TGIF1: variants seen among roughly 807,000 people sequenced by gnomAD.
The protein encoded by TGIF1 is homeobox protein TGIF1.
A neutral mutation model predicts 19.3 loss-of-function variants in TGIF1; 4 were observed. That is an observed-to-expected ratio of 0.21 (90% CI 0.10 to 0.47). The LOEUF is 0.47. Ranked by LOEUF, TGIF1 falls within the 20% of genes least tolerant of loss-of-function variation. TGIF1 has a pLI of 0.98. For missense variants in TGIF1, 275 were observed against 341.4 expected, an observed-to-expected ratio of 0.81 and a Z score of 1.53; for synonymous variants, 122 against 129.3, an observed-to-expected ratio of 0.94 and a Z score of 0.38.
intron 2 of TGIF1, among the ~76,000 whole-genome samples, chr18:3,429,350 G>A (rs1178848206): frequency 6.6e-6 from 1 of 152,054 alleles, no homozygotes; most frequent in Non-Finnish European, 1.5e-5. Flanking sequence ...TGCTCAGCCT[G>A]TGGAACACCA....
intron 2 of TGIF1, among the ~76,000 whole-genome samples, chr18:3,427,604 T>TG (rs1463525984): frequency 4.8e-4 from 69 of 143,496 alleles, no homozygotes; most frequent in African/African-American, 1.7e-3. Flanking sequence ...AATATATTCT[T>TG]TTTTTTTTTT....
chr18:3,423,528 A>C (rs1006894865), intron 2 of TGIF1, among the ~76,000 whole-genome samples: 9 of 151,938 alleles, frequency 5.9e-5, no homozygotes, highest in African/African-American at 1.7e-4. Flanking sequence ...AAAAATACAA[A>C]AAATTAGCCG....
upstream of TGIF1, among the ~76,000 whole-genome samples, chr18:3,446,135 G>A (rs1259523947): frequency 6.6e-6 from 1 of 152,184 alleles, no homozygotes; most frequent in Non-Finnish European, 1.5e-5. Flanking sequence ...AGACACAGAT[G>A]TTGAGAATAA....
chr18:3,414,262 T>C (rs1186503069), intron 1 of TGIF1, among the ~76,000 whole-genome samples: 1 of 152,220 alleles, frequency 6.6e-6, no homozygotes, highest in Non-Finnish European at 1.5e-5. Context: ...TATGAGTATA[T>C]GATGCTGCAG....
At chr18:3,423,960 A>G (rs975462487) in intron 2 of TGIF1, among the ~76,000 whole-genome samples, 1 of 152,162 alleles carries the variant, frequency 6.6e-6, no homozygotes, top group African/African-American at 2.4e-5. Context: ...ATCTTAAACT[A>G]AAGAGGGCAG....
rs1208350262 is a variant in TGIF1 at position 3,458,187 on chromosome 18, G to A, written c.*247G>A. 3 of 478,932 alleles carry A rather than the reference G, an allele frequency of 6.3e-6. No homozygotes were observed. The highest frequency in any genetic ancestry group is 1.1e-5 in the Non-Finnish European group (3 of 273,236). The allele number at this position is 478,932 out of a possible 1,614,324, so 29.7% of individuals were successfully genotyped here. A position where few individuals can be genotyped will look rare whatever the true frequency, so the allele number is the denominator to read the frequency against. On this transcript the variant is annotated 3_prime_UTR_variant, in exon 3 of 3. Transcript: ENST00000343820. Reference sequence around the variant, plus strand: ...GGTAGATTATTCATAATGTGAGATGGTTCCCAATATCATGTGATTTTTTTT... The same window carrying A: ...GGTAGATTATTCATAATGTGAGATGATTCCCAATATCATGTGATTTTTTTT...
Position 3,458,373 on chromosome 18 carries a change from C to CT in TGIF1, c.*441dup, listed in dbSNP as rs397858239. 1.1e-3 allele frequency: 185 copies of CT among 165,422 alleles called. 1 individual carries two copies. Among genetic ancestry groups the CT allele is most frequent in the African/African-American group, 4.2e-3 (172 of 41,410 alleles). 10.2% of individuals were successfully genotyped at this position (165,422 alleles called of 1,614,324 possible). A position where few individuals can be genotyped will look rare whatever the true frequency, so the allele number is the denominator to read the frequency against. On this transcript the variant is annotated 3_prime_UTR_variant, in exon 3 of 3. Transcript: ENST00000343820. ...AAGTATGAATCTAGTTGGTTGATGC[C>CT]TTTTTTTTCATGACATAATAAAGTA... is the stretch of plus-strand genomic sequence containing the variant.
intron 2 of TGIF1, among the ~76,000 whole-genome samples, chr18:3,432,254 T>G (rs931440852): frequency 6.6e-6 from 1 of 152,122 alleles, no homozygotes; most frequent in Non-Finnish European, 1.5e-5. Context: ...GTGAGGGATG[T>G]GCTATAAACT....
rs764823344 is a variant in TGIF1, at chr18:3,457,455, C to T, written c.334C>T (p.Arg112Cys). ...GKDPNQFTIS[R>C]RGAKISETSS... ...AGATCCAAATCAGTTCACAATTTCC[C>T]GCCGTGGGGCCAAGATTTCTGAAAC... The change falls in exon 3 of 3, where the codon CGC becomes TGC. Residue 112 changes from arginine (R) to cysteine (C), a missense_variant. By Grantham distance (180) the Arg-to-Cys change is radical (BLOSUM62 -3). Coordinates refer to ENST00000343820, the MANE Select transcript of TGIF1 (RefSeq NM_003244.4). This position sits in a 1 kb window ranked among gnomAD's most constrained non-coding sequence, Gnocchi z 4.9. The T allele has an allele frequency of 3.7e-6, 6 of 1,614,120 alleles. No homozygotes were observed. Among genetic ancestry groups the T allele is most frequent in the African/African-American group, 1.3e-5 (1 of 74,936 alleles).
chr18:3,435,941 G>C (rs2082609015), intron 2 of TGIF1, among the ~76,000 whole-genome samples: 1 of 148,434 alleles, frequency 6.7e-6, no homozygotes, highest in South Asian at 2.2e-4. Flanking sequence ...GTTCATAACA[G>C]TCTCGAACTC....
chr18:3,422,673 C>CTTTTTTGTTTTTTTGTTTTTT (rs1481496826), intron 2 of TGIF1, among the ~76,000 whole-genome samples: 1 of 24,672 alleles, frequency 4.1e-5, no homozygotes, highest in Non-Finnish European at 1.6e-4. Context: ...TATAGGTGGC[C>CTTTTTTGTTTTTTTGTTTTTT]TTTTTTTTTT....
In TGIF1 at chr18:3,459,182, T is replaced by TA. The variant is rs1472263911; in HGVS notation, c.*1243dup. 3 of 152,248 alleles carry TA rather than the reference T, an allele frequency of 2.0e-5. No individual in the cohort carries two copies. Among genetic ancestry groups the TA allele is most frequent in the South Asian group, 2.1e-4 (1 of 4,834 alleles). 9.4% of individuals were successfully genotyped at this position (152,248 alleles called of 1,614,324 possible). A position where few individuals can be genotyped will look rare whatever the true frequency, so the allele number is the denominator to read the frequency against. ...GCTTAGTATGAGCTTGCTTTGTTGT[T>TA]ACGGTCATGTTCTTTCCAGCCCTGC... On this transcript the variant is annotated 3_prime_UTR_variant, in exon 3 of 3. Coordinates refer to ENST00000343820, the MANE Select transcript of TGIF1 (RefSeq NM_003244.4).
upstream of TGIF1, chr18:3,447,737 G>A: frequency 6.2e-7 from 1 of 1,614,186 alleles, no homozygotes; most frequent in Middle Eastern, 1.7e-4. Flanking sequence ...CAACCGTTTG[G>A]ATATGACTTG....
chr18:3,451,608 C>A lies in TGIF1; in HGVS notation c.16+1103C>A, dbSNP rs184571011. Reference sequence around the variant, plus strand: ...TTGGAACTCCACATTCTTTCAGACCCGGCCCGCTGCGGGGCGTTCCTGGGG... The same window carrying A: ...TTGGAACTCCACATTCTTTCAGACCAGGCCCGCTGCGGGGCGTTCCTGGGG... On this transcript the variant is annotated intron_variant, in intron 1 of 2. Coordinates refer to ENST00000343820, the MANE Select transcript of TGIF1 (RefSeq NM_003244.4). The surrounding 1 kb of genome is among the most constrained non-coding windows in gnomAD (Gnocchi z 5.4). 7.5e-4 allele frequency: 799 copies of A among 1,065,172 alleles called. No individual in the cohort carries two copies. Among genetic ancestry groups the A allele is most frequent in the Non-Finnish European group, 8.6e-4 (761 of 882,386 alleles). 66.0% of individuals were successfully genotyped at this position (1,065,172 alleles called of 1,614,324 possible).
upstream of TGIF1, chr18:3,449,504 G>A: frequency 1.0e-6 from 1 of 985,482 alleles, no homozygotes; most frequent in Non-Finnish European, 1.2e-6. Context: ...TTAGCCCGGG[G>A]GAACAGACGT....
chr18:3,432,386 G>C (rs12606911), intron 2 of TGIF1, among the ~76,000 whole-genome samples: 1 of 151,976 alleles, frequency 6.6e-6, no homozygotes, highest in African/African-American at 2.4e-5. Flanking sequence ...TCGGATCTTA[G>C]TCTGAAAATT....
At chr18:3,452,010 G>T (rs147584841) in intron 1 of TGIF1, 1 of 1,606,880 alleles carries the variant, frequency 6.2e-7, no homozygotes, top group African/African-American at 1.3e-5. Context: ...GGTGTCTGCC[G>T]GGGTGGGCTC....
Position 3,450,173 on chromosome 18 carries a change from C to G in TGIF1, c.-317C>G. 1 of 1,313,796 alleles carries G rather than the reference C, an allele frequency of 7.6e-7. No homozygotes were observed. Among genetic ancestry groups the G allele is most frequent in the Admixed American group, 3.4e-5 (1 of 29,476 alleles). 81.4% of individuals were successfully genotyped at this position (1,313,796 alleles called of 1,614,324 possible). On this transcript the variant is annotated 5_prime_UTR_variant, in exon 1 of 3. Coordinates refer to ENST00000343820, the MANE Select transcript of TGIF1 (RefSeq NM_003244.4). ...GTACCTTCCCTCCTCGCCTCTCTCA[C>G]TCTGACAGCGCCGAGGTGCGCCGAG... is the stretch of plus-strand genomic sequence containing the variant.
intron 1 of TGIF1, chr18:3,452,374 C>T: frequency 6.2e-7 from 1 of 1,613,310 alleles, no homozygotes; most frequent in South Asian, 1.1e-5. Flanking sequence ...CTCCTGGAAA[C>T]AATGAAAGGT....
Sources: gnomAD v4.1 joint callset for allele counts (sites outside exome capture counted in the v4.1 genomes callset) on GRCh38, gnomAD v4.1.1 for gene constraint, Gnocchi (gnomAD v3.1) non-coding constraint, MANE v1.5 for transcripts, NCBI Gene and HGNC (gene_info 2026-07-23, HGNC 2026-07-21) for gene names.